MNS1: variants seen among roughly 807,000 people sequenced by gnomAD.
MNS1 encodes meiosis specific nuclear structural 1, also known as meiosis-specific nuclear structural protein 1.
In MNS1, 63 loss-of-function variants were observed where a neutral mutation model predicts 72.0. The ratio of observed to expected loss-of-function variants is 0.87; its 90% CI spans 0.71 to 1.08. MNS1 has a LOEUF of 1.08. Ranked by LOEUF, MNS1 falls within the 50% of genes least tolerant of loss-of-function variation. MNS1 has a pLI of 0.00. For missense variants in MNS1, 604 were observed against 562.4 expected (o/e 1.07, Z -0.75); for synonymous variants, 188 against 172.1 (o/e 1.09, Z -0.72).
At chr15:56,451,247 C>A (rs903167760) in intron 3 of MNS1, among the ~76,000 whole-genome samples, 7 of 152,262 alleles carry the variant, frequency 4.6e-5, no homozygotes, top group African/African-American at 1.7e-4. Context: ...ATATACCCAA[C>A]AATTTGTGAA....
chr15:56,460,010 ATACAT>A (rs1379198194), intron 2 of MNS1, among the ~76,000 whole-genome samples: 881 of 27,326 alleles, frequency 0.032, 142 homozygotes, highest in Non-Finnish European at 0.053. Flanking sequence ...AAAAAAAAAA[ATACAT>A]ATATATATAT....
At chr15:56,460,640 A>T (rs1158796409) in intron 2 of MNS1, among the ~76,000 whole-genome samples, 1 of 152,174 alleles carries the variant, frequency 6.6e-6, no homozygotes, top group Non-Finnish European at 1.5e-5. Flanking sequence ...CTCTCCTATA[A>T]ATCTAAACTT....
intron 2 of MNS1, chr15:56,463,710 A>G (rs1410991950): frequency 8.8e-6 from 2 of 227,344 alleles, no homozygotes; most frequent in Non-Finnish European, 8.5e-6. Context: ...TGAACCCCGG[A>G]GGCAGAGGTT....
rs2050876471 is a variant in MNS1, at chr15:56,444,613, CTTCCT to C, written c.512_516del (p.Lys171ArgfsTer18). On this transcript the variant is annotated frameshift_variant, in exon 5 of 10. Transcript: ENST00000260453. LOFTEE classifies it high-confidence loss of function. ...TTTCGTTTGTCTTCTGCAGCATTCT[CTTCCT>C]TTATTATTCTCTTGTGTTCTTCCAT... 2 of 1,613,160 alleles carry C rather than the reference CTTCCT, an allele frequency of 1.2e-6. No homozygotes were observed. The highest frequency in any genetic ancestry group is 8.5e-7 in the Non-Finnish European group (1 of 1,179,554).
intron 2 of MNS1, among the ~76,000 whole-genome samples, chr15:56,461,306 T>C (rs2051018930): frequency 6.6e-6 from 1 of 151,438 alleles, no homozygotes; most frequent in Non-Finnish European, 1.5e-5. Flanking sequence ...ATCACAAGCC[T>C]AGAACAGTTT....
intron 7 of MNS1, among the ~76,000 whole-genome samples, chr15:56,442,736 G>A (rs2050840339): frequency 6.6e-6 from 1 of 152,106 alleles, no homozygotes; most frequent in Admixed American, 6.5e-5. Context: ...GGGCCTACTT[G>A]AGGGTAGACA....
chr15:56,457,167 T>C (rs190587239), intron 2 of MNS1, among the ~76,000 whole-genome samples: 38 of 152,330 alleles, frequency 2.5e-4, no homozygotes, highest in African/African-American at 8.7e-4. Context: ...TGACTTGTTA[T>C]AGAAATTAGG....
Position 56,429,098 on chromosome 15 carries a change from A to C in MNS1, c.*3T>G. Reference sequence around the variant, plus strand: ...ATCTATGCTTTACCCAATTTTGATGATATCATTTCTCTTCACAAATTTCAC... The same window carrying C: ...ATCTATGCTTTACCCAATTTTGATGCTATCATTTCTCTTCACAAATTTCAC... On this transcript the variant is annotated 3_prime_UTR_variant, in exon 10 of 10. Coordinates refer to ENST00000260453, the MANE Select transcript of MNS1 (RefSeq NM_018365.4). 6.4e-7 allele frequency: 1 copy of C among 1,566,184 alleles called. No individual in the cohort carries two copies. The highest frequency in any genetic ancestry group is 8.7e-7 in the Non-Finnish European group (1 of 1,150,804).
intron 7 of MNS1, among the ~76,000 whole-genome samples, chr15:56,435,815 T>A (rs1229400349): frequency 6.6e-6 from 1 of 152,050 alleles, no homozygotes; most frequent in Non-Finnish European, 1.5e-5. Flanking sequence ...CCCCATTCAT[T>A]TTATGAAGAT....
At chr15:56,453,284 T>C (rs2050960479) in intron 3 of MNS1, among the ~76,000 whole-genome samples, 1 of 152,208 alleles carries the variant, frequency 6.6e-6, no homozygotes, top group Non-Finnish European at 1.5e-5. Context: ...AGTTCTGAAA[T>C]TAAGCTTGGG....
In MNS1 at chr15:56,429,092, TTGA is replaced by T. The variant is rs1331226319; in HGVS notation, c.*6_*8del. On this transcript the variant is annotated 3_prime_UTR_variant, in exon 10 of 10. Transcript: ENST00000260453. ...CAAAAAATCTATGCTTTACCCAATT[TTGA>T]TGATATCATTTCTCTTCACAAATTT... The T allele has an allele frequency of 4.5e-6, 7 of 1,557,612 alleles. No homozygotes were observed. The highest frequency in any genetic ancestry group is 1.2e-5 in the South Asian group (1 of 85,070).
At chr15:56,434,069 T>G in intron 8 of MNS1, 69 bp downstream of exon 8, 1 of 1,475,626 alleles carries the variant, frequency 6.8e-7, no homozygotes, top group Non-Finnish European at 9.2e-7. Flanking sequence ...AGTAAATGTT[T>G]AGTGGATGAT....
chr15:56,431,405 G>A lies in MNS1; in HGVS notation c.1363C>T (p.His455Tyr), dbSNP rs1318600305. ...EEERLKLLKE[H>Y]ATNLLGYLPK... is the part of the protein sequence containing the mutation. ...AGATAGCCTAGTAAGTTTGTAGCAT[G>A]CTCTTTAAGAAGTTTTAGCCTTTCT... The change falls in exon 9 of 10, where the codon CAT becomes TAT. Residue 455 changes from histidine to tyrosine, a missense_variant. Physicochemically the swap from His to Tyr is moderately conservative, Grantham distance 83 (BLOSUM62 2). Coordinates refer to ENST00000260453, the MANE Select transcript of MNS1 (RefSeq NM_018365.4). The A allele has an allele frequency of 6.2e-7, 1 of 1,613,234 alleles. No individual in the cohort carries two copies. Among genetic ancestry groups the A allele is most frequent in the South Asian group, 1.1e-5 (1 of 91,006 alleles).
At chr15:56,448,057 C>T (rs776428590) in intron 3 of MNS1, among the ~76,000 whole-genome samples, 2 of 152,118 alleles carry the variant, frequency 1.3e-5, no homozygotes, top group Non-Finnish European at 2.9e-5. Context: ...TGCTGATAGA[C>T]ATTTGAGTTG....
intron 3 of MNS1, among the ~76,000 whole-genome samples, chr15:56,451,753 C>T (rs996986184): frequency 6.6e-6 from 1 of 152,036 alleles, no homozygotes; most frequent in African/African-American, 2.4e-5. Context: ...ATAAACCTGT[C>T]GTAAATTGAA....
intron 7 of MNS1, 33 bp from the exon 8 acceptor site, chr15:56,434,428 C>A: frequency 6.3e-7 from 1 of 1,576,440 alleles, no homozygotes; most frequent in South Asian, 1.2e-5. Context: ...AATTTAGTAA[C>A]TATTTCCTTA....
At chr15:56,457,623 A>T (rs2050989687) in intron 2 of MNS1, among the ~76,000 whole-genome samples, 1 of 152,086 alleles carries the variant, frequency 6.6e-6, no homozygotes, top group Non-Finnish European at 1.5e-5. Flanking sequence ...GGAGTTTGAG[A>T]CCAGCCTGGG....
At chr15:56,434,589 G>A (rs1212965063) in intron 7 of MNS1, among the ~76,000 whole-genome samples, 194 bp from the exon 8 acceptor site, 1 of 152,000 alleles carries the variant, frequency 6.6e-6, no homozygotes, top group Non-Finnish European at 1.5e-5. Context: ...CATTTGGATT[G>A]TTTTCTGTTA....
At chr15:56,429,513 C>CTTTTCTTTAAATAGCTCTATA (rs1254059649) in intron 9 of MNS1, 3 of 185,992 alleles carry the variant, frequency 1.6e-5, no homozygotes, top group African/African-American at 7.1e-5. Flanking sequence ...GTACCCTACC[C>CTTTTCTTTAAATAGCTCTATA]TTTTCTTTAA....
Sources: allele counts gnomAD v4.1 joint callset (sites outside exome capture counted in the v4.1 genomes callset), GRCh38; gene constraint gnomAD v4.1.1; transcripts MANE v1.5; gene names NCBI Gene and HGNC (gene_info 2026-07-23, HGNC 2026-07-21).